HPF1: variants seen among roughly 807,000 people sequenced by gnomAD.
The protein encoded by HPF1 is UPF0609 protein C4orf27.
In HPF1, 35 loss-of-function variants were observed where a neutral mutation model predicts 38.8. The ratio of observed to expected loss-of-function variants is 0.90; its 90% CI spans 0.69 to 1.19. The LOEUF (loss-of-function observed/expected upper bound fraction) is 1.19. Ranked by LOEUF, HPF1 falls within the 50% of genes most tolerant of loss-of-function variation. The pLI is 0.00. For synonymous variants in HPF1, 115 were observed against 139.2 expected (o/e 0.83, Z 1.22); for missense variants, 367 against 405.8 (o/e 0.90, Z 0.82).
intron 4 of HPF1, among the ~76,000 whole-genome samples, chr4:169,746,163 A>G (rs1367016078): frequency 2.0e-5 from 3 of 152,230 alleles, no homozygotes; most frequent in Non-Finnish European, 4.4e-5. Flanking sequence ...CAACAAATCA[A>G]TACCAAAGTA....
intron 3 of HPF1, 77 bp downstream of exon 3, chr4:169,750,459 T>G (rs1322600503): frequency 9.4e-7 from 1 of 1,064,962 alleles, no homozygotes; most frequent in Non-Finnish European, 1.3e-6. Context: ...TCACCTTGGG[T>G]GAGGCTAGTG....
intron 6 of HPF1, among the ~76,000 whole-genome samples, chr4:169,735,365 G>C (rs1733879526): frequency 6.6e-6 from 1 of 152,124 alleles, no homozygotes; most frequent in Admixed American, 6.6e-5. Flanking sequence ...AAGCTTCAAA[G>C]GGTTAAGAAC....
intron 1 of HPF1, among the ~76,000 whole-genome samples, chr4:169,754,307 C>T (rs1400843138): frequency 1.3e-5 from 2 of 152,110 alleles, no homozygotes. Context: ...ACAATCATTA[C>T]CCAGCCTTAA....
At chr4:169,744,662 C>T (rs1189296516) in intron 4 of HPF1, among the ~76,000 whole-genome samples, 5 of 152,112 alleles carry the variant, frequency 3.3e-5, no homozygotes, top group African/African-American at 4.8e-5. Context: ...AAAGCTATTG[C>T]GCTCACAGTG....
Position 169,750,616 on chromosome 4 carries a change from C to T in HPF1, c.318G>A (p.Trp106Ter). 1 of 1,613,088 alleles carries T rather than the reference C, an allele frequency of 6.2e-7. No homozygotes were observed. Among genetic ancestry groups the T allele is most frequent in the Non-Finnish European group, 8.5e-7 (1 of 1,179,242 alleles). The change falls in exon 3 of 8, where the codon TGG becomes TGA. Residue 106 changes from tryptophan (W) to a stop codon, truncating the protein, a stop_gained. Transcript: ENST00000393381. LOFTEE classifies it high-confidence loss of function. ...ACTCAGGAGGATCATAGTAAAACCT[C>T]CAGTGAAGGTTAAAATTCAGGCCTG... ...KSTGLNFNLHWRFYYDPPEFQ... is the reference protein window; with the variant it reads ...KSTGLNFNLH
Position 169,750,682 on chromosome 4 carries a change from A to G in HPF1, c.252T>C (p.Tyr84=). ...ASLGLQLVGP[Y]DILAGKHKTK... is the part of the protein sequence containing the mutation. ...TTTTATGTTTTCCAGCAAGGATATC[A>G]TAAGGACCAACTAATTGAAGTCCAA... is the stretch of plus-strand genomic sequence containing the variant. Residue 84 remains tyrosine (Y), a synonymous_variant, in exon 3 of 8, where the codon TAT becomes TAC. Coordinates refer to ENST00000393381, the MANE Select transcript of HPF1 (RefSeq NM_017867.3). The G allele has an allele frequency of 6.2e-7, 1 of 1,613,716 alleles. No homozygotes were observed. Among genetic ancestry groups the G allele is most frequent in the Non-Finnish European group, 8.5e-7 (1 of 1,179,872 alleles).
chr4:169,741,052 T>C (rs1292697111), intron 5 of HPF1, among the ~76,000 whole-genome samples: 1 of 152,218 alleles, frequency 6.6e-6, no homozygotes, highest in East Asian at 1.9e-4. Context: ...CATATTGTAA[T>C]GGGTTTCATT....
At chr4:169,752,339 G>A (rs1734130928) in intron 2 of HPF1, among the ~76,000 whole-genome samples, 1 of 151,660 alleles carries the variant, frequency 6.6e-6, no homozygotes, top group African/African-American at 2.4e-5. Flanking sequence ...CCAGCTAAAG[G>A]CATGACTATT....
chr4:169,757,770 T>A, intron 1 of HPF1, 60 bp downstream of exon 1: 1 of 1,438,278 alleles, frequency 7.0e-7, no homozygotes, highest in Non-Finnish European at 9.5e-7. Context: ...CGCTGCCTCC[T>A]GGTGCCCTGG....
At chr4:169,746,545 G>T (rs1411065428) in intron 4 of HPF1, among the ~76,000 whole-genome samples, 1 of 151,826 alleles carries the variant, frequency 6.6e-6, no homozygotes, top group Non-Finnish European at 1.5e-5. Flanking sequence ...ATCTTTGCTG[G>T]TTAAATTGGC....
chr4:169,757,746 G>T, intron 1 of HPF1, 84 bp downstream of exon 1: 2 of 1,262,536 alleles, frequency 1.6e-6, no homozygotes, highest in Non-Finnish European at 2.2e-6. Context: ...AATAGTCACT[G>T]GATGAATGAA....
chr4:169,731,932 C>A (rs1733835592), intron 6 of HPF1, 56 bp from the exon 7 acceptor site: 4 of 1,393,970 alleles, frequency 2.9e-6, no homozygotes, highest in African/African-American at 1.4e-5. Flanking sequence ...ATGAATCAGT[C>A]TTCAAAAGTA....
chr4:169,743,101 A>C (rs1332354893), intron 4 of HPF1, among the ~76,000 whole-genome samples: 3 of 151,638 alleles, frequency 2.0e-5, no homozygotes. Flanking sequence ...CCTCAAAAAA[A>C]AAAACAAAAA....
chr4:169,731,563 T>C (rs1456492961), intron 7 of HPF1, 141 bp downstream of exon 7: 1 of 576,092 alleles, frequency 1.7e-6, no homozygotes, highest in African/African-American at 2.0e-5. Context: ...AAACTTCATT[T>C]TGAAATACAA....
intron 5 of HPF1, 38 bp from the exon 6 acceptor site, chr4:169,737,785 G>T: frequency 7.5e-7 from 1 of 1,338,046 alleles, no homozygotes; most frequent in Non-Finnish European, 1.1e-6. Context: ...ATCATGGTAA[G>T]CAGACATCAA....
chr4:169,742,029 G>T lies in HPF1; in HGVS notation c.576C>A (p.Leu192=), dbSNP rs770776530. ...INLLKNIDEK[L]TEAARELGYS... Reference sequence around the variant, plus strand: ...ACCCCAATTCTCTGGCTGCTTCTGTGAGTTTTTCATCTATGTTTTTCAAGA... The same window carrying T: ...ACCCCAATTCTCTGGCTGCTTCTGTTAGTTTTTCATCTATGTTTTTCAAGA... The change falls in exon 5 of 8, where the codon CTC becomes CTA. Residue 192 remains leucine (L), a synonymous_variant. Coordinates refer to ENST00000393381, the MANE Select transcript of HPF1 (RefSeq NM_017867.3). 8 of 1,611,748 alleles carry T rather than the reference G, an allele frequency of 5.0e-6. No homozygotes were observed. In the African/African-American group the frequency reaches 1.1e-4, roughly 22 times the overall value.
intron 4 of HPF1, among the ~76,000 whole-genome samples, 166 bp from the exon 5 acceptor site, chr4:169,742,273 G>C (rs1427638267): frequency 6.6e-6 from 1 of 152,088 alleles, no homozygotes; most frequent in Non-Finnish European, 1.5e-5. Flanking sequence ...CTTCAAATAA[G>C]AGAAAAGCAA....
chr4:169,729,823 A>G (rs1161092954), intron 7 of HPF1, 114 bp from the exon 8 acceptor site: 1 of 733,804 alleles, frequency 1.4e-6, no homozygotes, highest in African/African-American at 1.8e-5. Flanking sequence ...AAATCATTTT[A>G]GCTACACCCT....
intron 2 of HPF1, 52 bp from the exon 3 acceptor site, chr4:169,750,777 A>G (rs755663228): frequency 1.1e-5 from 15 of 1,326,892 alleles, no homozygotes; most frequent in Non-Finnish European, 1.6e-5. Context: ...GTAGGAAATA[A>G]TGCTTTTATT....
Sources: gnomAD v4.1 joint callset for allele counts (sites outside exome capture counted in the v4.1 genomes callset) on GRCh38, gnomAD v4.1.1 for gene constraint, MANE v1.5 for transcripts, NCBI Gene and HGNC (gene_info 2026-07-23, HGNC 2026-07-21) for gene names.